NRG2: variants seen among roughly 807,000 people sequenced by gnomAD.
NRG2 encodes neuregulin 2, also known as pro-neuregulin-2, membrane-bound isoform.
In NRG2, 27 loss-of-function variants were observed where a neutral mutation model predicts 73.9. That is an observed-to-expected ratio of 0.37 (90% CI 0.27 to 0.50). The LOEUF is 0.50. Among genes scored for constraint, NRG2 ranks in the 20% least tolerant of loss-of-function variants. The pLI, the probability that NRG2 is intolerant of heterozygous loss-of-function variation, is 0.96. For synonymous variants in NRG2, 532 were observed against 541.0 expected, an observed-to-expected ratio of 0.98 and a Z score of 0.23; for missense variants, 1,126 against 1,210.1, an observed-to-expected ratio of 0.93 and a Z score of 1.03.
intron 1 of NRG2, among the ~76,000 whole-genome samples, chr5:139,905,075 TCTGCAG>T (rs1765144183): frequency 6.6e-6 from 1 of 152,074 alleles, no homozygotes; most frequent in African/African-American, 2.4e-5. Context: ...CGGGCTGCAC[TCTGCAG>T]GGAACCTGGG....
intron 1 of NRG2, among the ~76,000 whole-genome samples, chr5:139,965,442 GC>G (rs1458701168): frequency 6.6e-6 from 1 of 152,204 alleles, no homozygotes; most frequent in Non-Finnish European, 1.5e-5. Flanking sequence ...CCCAGACCAG[GC>G]CAAACAGCAG....
At chr5:139,907,515 G>T (rs1310309934) in intron 1 of NRG2, among the ~76,000 whole-genome samples, 1 of 152,114 alleles carries the variant, frequency 6.6e-6, no homozygotes, top group Non-Finnish European at 1.5e-5. Flanking sequence ...GTAAAGAATG[G>T]CCAAGGGTAT....
chr5:139,970,664 A>G (rs1411373183), intron 1 of NRG2, among the ~76,000 whole-genome samples: 1 of 152,194 alleles, frequency 6.6e-6, no homozygotes, highest in African/African-American at 2.4e-5. Flanking sequence ...CTTCTCCTCT[A>G]GCATGCAACC....
intron 1 of NRG2, among the ~76,000 whole-genome samples, chr5:139,927,333 C>T (rs1752132796): frequency 6.6e-6 from 1 of 152,114 alleles, no homozygotes. Flanking sequence ...TGCCTCACAC[C>T]TGCCCTATTG....
Position 140,042,654 on chromosome 5 carries a change from A to C in NRG2, c.416T>G (p.Val139Gly). 6.3e-7 allele frequency: 1 copy of C among 1,596,720 alleles called. No individual in the cohort carries two copies. ...VVVEGKVQGL[V>G]PAGGSSSNST... is the part of the protein sequence containing the mutation. The stretch of plus-strand genomic sequence containing the variant: ...GTTGGAGCTGGAGCCGCCGGCTGGG[A>C]CCAGCCCCTGTACCTTGCCCTCCAC... The change falls in exon 1 of 10, where the codon GTC (valine) becomes GGC (glycine). Residue 139 changes from valine to glycine, a missense_variant. Coordinates refer to ENST00000361474, the MANE Select transcript of NRG2 (RefSeq NM_004883.3).
intron 1 of NRG2, among the ~76,000 whole-genome samples, chr5:139,903,420 T>C (rs1011645891): frequency 1.3e-5 from 2 of 152,028 alleles, no homozygotes; most frequent in Admixed American, 6.5e-5. Context: ...ACAAAACACA[T>C]AAAATTAGCA....
intron 2 of NRG2, among the ~76,000 whole-genome samples, chr5:139,885,912 AC>A (rs1763831144): frequency 6.6e-6 from 1 of 152,018 alleles, no homozygotes; most frequent in Admixed American, 6.5e-5. Flanking sequence ...GGGAGACGGG[AC>A]CCAACTGCCC....
chr5:139,976,553 C>A (rs1756398596), intron 1 of NRG2, among the ~76,000 whole-genome samples: 1 of 152,186 alleles, frequency 6.6e-6, no homozygotes, highest in South Asian at 2.1e-4. Context: ...GAAGCAGAAC[C>A]CACCTCCTCC....
At chr5:140,020,382 A>G (rs1250515781) in intron 1 of NRG2, among the ~76,000 whole-genome samples, 1 of 152,212 alleles carries the variant, frequency 6.6e-6, no homozygotes, top group Non-Finnish European at 1.5e-5. Context: ...TTTCCAGGAC[A>G]GAGGTATGAG....
chr5:139,877,212 G>A (rs1434909912), intron 3 of NRG2, among the ~76,000 whole-genome samples: 4 of 152,188 alleles, frequency 2.6e-5, no homozygotes, highest in South Asian at 2.1e-4. Context: ...ACTTCCTGCC[G>A]ACTCCTCCTG....
rs148290721 is a variant in NRG2 at position 140,008,412 on chromosome 5, T to A, written c.700+33958A>T. Among the ~76,000 whole-genome samples the A allele has an allele frequency of 6.6e-6, 1 of 152,224 alleles. No individual in the cohort carries two copies. Among genetic ancestry groups the A allele is most frequent in the Admixed American group, 6.5e-5 (1 of 15,284 alleles). ...TGAGCACCTATTATGTGCCAGAAACTGAACTAGGTAATGGTCATTTGGGTC... is the reference window on the plus strand; with the variant it reads ...TGAGCACCTATTATGTGCCAGAAACAGAACTAGGTAATGGTCATTTGGGTC... On this transcript the variant is annotated intron_variant, in intron 1 of 9. Transcript: ENST00000361474. The surrounding 1 kb of genome is among the most constrained non-coding windows in gnomAD (Gnocchi z 4.2).
Position 139,956,591 on chromosome 5 carries a change from A to G in NRG2, c.701-69080T>C, listed in dbSNP as rs150400476. Among the ~76,000 whole-genome samples the G allele has an allele frequency of 2.9e-3, 447 of 152,264 alleles. 3 individuals are homozygous for G. Among genetic ancestry groups the G allele is most frequent in the Non-Finnish European group, 5.3e-3 (362 of 68,016 alleles). ...TTTCTGAAGATGTGAAGAGGACATG[A>G]TAGTCTGAATGGGCCAGAACTGGGA... is the stretch of plus-strand genomic sequence containing the variant. On this transcript the variant is annotated intron_variant, in intron 1 of 9. Coordinates refer to ENST00000361474, the MANE Select transcript of NRG2 (RefSeq NM_004883.3).
At chr5:140,042,064 C>T (rs1761965020) in intron 1 of NRG2, among the ~76,000 whole-genome samples, 1 of 152,150 alleles carries the variant, frequency 6.6e-6, no homozygotes, top group Non-Finnish European at 1.5e-5. Flanking sequence ...TTTTTCCTTC[C>T]GCTACTGGGC....
At chr5:139,850,473 C>T (rs1160491417) in intron 9 of NRG2, among the ~76,000 whole-genome samples, 2 of 152,202 alleles carry the variant, frequency 1.3e-5, no homozygotes, top group Non-Finnish European at 2.9e-5. Context: ...GCTAGGAGCT[C>T]CTCAGGAGCA....
intron 1 of NRG2, among the ~76,000 whole-genome samples, chr5:139,901,669 C>T (rs1461632566): frequency 2.6e-5 from 4 of 152,238 alleles, no homozygotes; most frequent in Non-Finnish European, 5.9e-5. Context: ...GCTAGTGATG[C>T]TAATCTGCCT....
intron 1 of NRG2, among the ~76,000 whole-genome samples, chr5:140,007,207 ACT>A (rs1561747718): frequency 6.6e-6 from 1 of 152,044 alleles, no homozygotes; most frequent in Non-Finnish European, 1.5e-5. Flanking sequence ...TTGTTGAGTA[ACT>A]CTGCTCTAGG....
intron 1 of NRG2, among the ~76,000 whole-genome samples, chr5:139,997,716 A>C (rs1758128286): frequency 6.6e-6 from 1 of 152,236 alleles, no homozygotes; most frequent in Non-Finnish European, 1.5e-5. Context: ...CTCAGCCCTC[A>C]ATGGGCCCTA....
intron 1 of NRG2, among the ~76,000 whole-genome samples, chr5:139,958,677 A>G (rs1754824416): frequency 6.6e-6 from 1 of 152,244 alleles, no homozygotes; most frequent in African/African-American, 2.4e-5. Flanking sequence ...TAAACTTTTC[A>G]GAAAGTCACA....
chr5:139,913,653 T>C (rs1264965898), intron 1 of NRG2, among the ~76,000 whole-genome samples: 1 of 152,214 alleles, frequency 6.6e-6, no homozygotes, highest in Non-Finnish European at 1.5e-5. Context: ...AGACAATGCT[T>C]GCTCCACACC....
Sources: gnomAD v4.1 joint callset for allele counts (sites outside exome capture counted in the v4.1 genomes callset) on GRCh38, gnomAD v4.1.1 for gene constraint, Gnocchi (gnomAD v3.1) non-coding constraint, MANE v1.5 for transcripts, NCBI Gene and HGNC (gene_info 2026-07-23, HGNC 2026-07-21) for gene names.